The following BRCA2 variants were observed in gnomAD, a reference collection of about 807,000 sequenced individuals.
BRCA2 encodes breast cancer type 2 susceptibility protein.
A neutral mutation model predicts 276.7 loss-of-function variants in BRCA2; 203 were observed. The ratio of observed to expected loss-of-function variants is 0.73; its 90% CI spans 0.65 to 0.82. The LOEUF is 0.82. Among genes scored for constraint, BRCA2 ranks in the 40% least tolerant of loss-of-function variants. The probability of loss-of-function intolerance (pLI) is 0.00; values close to 1 mark genes in which losing one functional copy is unlikely to be tolerated. For missense variants in BRCA2, 3,920 were observed against 3,915.0 expected, an observed-to-expected ratio of 1.00 and a Z score of -0.03; for synonymous variants, 1,289 against 1,338.4, an observed-to-expected ratio of 0.96 and a Z score of 0.81.
chr13:32,329,782 A>G (rs2072375545), intron 8 of BRCA2, among the ~76,000 whole-genome samples: 1 of 151,158 alleles, frequency 6.6e-6, no homozygotes. Flanking sequence ...AACCCTATAT[A>G]TATATATTAA....
Position 32,332,667 on chromosome 13 carries a change from C to CTTAG in BRCA2, c.1189_1190insTTAG (p.Gln397LeufsTer25), listed in dbSNP as rs397515635. ...ACCGTCTTTGGCCTGTGAATGGTCT[C>CTTAG]AACTAACCCTTTCAGGTCTAAATGG... On this transcript the variant is annotated frameshift_variant, in exon 10 of 27. Coordinates refer to ENST00000380152, the MANE Select transcript of BRCA2 (RefSeq NM_000059.4). LOFTEE classifies it high-confidence loss of function. 1.1e-5 allele frequency: 17 copies of CTTAG among 1,614,018 alleles called. No individual in the cohort carries two copies. Among genetic ancestry groups the CTTAG allele is most frequent in the Non-Finnish European group, 1.3e-5 (15 of 1,179,956 alleles).
intron 13 of BRCA2, among the ~76,000 whole-genome samples, chr13:32,348,650 T>G (rs757724256): frequency 1.3e-5 from 2 of 152,150 alleles, no homozygotes; most frequent in Non-Finnish European, 2.9e-5. Flanking sequence ...AGATCTCTTG[T>G]GCGCTTTTCT....
chr13:32,355,395 G>A (rs2137559607), intron 14 of BRCA2, 107 bp downstream of exon 14: 1 of 1,265,014 alleles, frequency 7.9e-7, no homozygotes, highest in Admixed American at 2.1e-5. Context: ...TAATTTTAAA[G>A]CCCTTTTTAA....
chr13:32,370,073 GA>G (rs2072816593), intron 18 of BRCA2, among the ~76,000 whole-genome samples: 1 of 152,120 alleles, frequency 6.6e-6, no homozygotes, highest in Non-Finnish European at 1.5e-5. Context: ...TGTCCATGTA[GA>G]TTTTTTGAGG....
In BRCA2 at chr13:32,374,180, AT is replaced by A. The variant is rs554081914; in HGVS notation, c.8633-2485del. Among the ~76,000 whole-genome samples the A allele has an allele frequency of 1.1e-4, 17 of 152,214 alleles. No individual in the cohort carries two copies. The South Asian group carries it at 3.3e-3, about 30-fold the overall frequency. On this transcript the variant is annotated intron_variant, in intron 20 of 26. Coordinates refer to ENST00000380152, the MANE Select transcript of BRCA2 (RefSeq NM_000059.4). The stretch of plus-strand genomic sequence containing the variant: ...GGCCTTGGGCCCAGCCCACAAAACC[AT>A]TTTTCCCTCCTAGGCCTCAAGGCCT...
In BRCA2 at chr13:32,346,927, A is replaced by C. The variant is rs555236509; in HGVS notation, c.7007+31A>C. 2.0e-6 allele frequency: 3 copies of C among 1,529,956 alleles called. No homozygotes were observed. The South Asian group carries it at 3.5e-5, about 18-fold the overall frequency. 94.8% of individuals were successfully genotyped at this position (1,529,956 alleles called of 1,614,324 possible). On this transcript the variant is annotated intron_variant, in intron 13 of 26. Transcript: ENST00000380152. ...ACATGTTTAAATTTTTCTAAATTCT[A>C]ATACAGTATGAGAAAAGTCTCGTTT... is the stretch of plus-strand genomic sequence containing the variant.
intron 3 of BRCA2, among the ~76,000 whole-genome samples, chr13:32,322,049 T>C (rs1357649772): frequency 6.6e-6 from 1 of 152,248 alleles, no homozygotes; most frequent in Non-Finnish European, 1.5e-5. Context: ...TATGGTTCTA[T>C]GGATTTTGAC....
Position 32,352,395 on chromosome 13 carries a change from G to C in BRCA2, c.7008-2466G>C, listed in dbSNP as rs552765917. ...CTACCTAATATATACTATAGTGAAA[G>C]ATATAAGGATAAATAAGTCTAACTC... is the stretch of plus-strand genomic sequence containing the variant. On this transcript the variant is annotated intron_variant, in intron 13 of 26. Coordinates refer to ENST00000380152, the MANE Select transcript of BRCA2 (RefSeq NM_000059.4). 3.3e-5 allele frequency among the ~76,000 whole-genome samples: 5 copies of C among 152,190 alleles called. No individual in the cohort carries two copies. In the South Asian group the frequency reaches 1.0e-3, roughly 32 times the overall value.
At position 32,344,538 on chromosome 13, in the gene BRCA2, T is replaced by C. The variant is rs81002811; in HGVS notation, c.6842-20T>C. The C allele has an allele frequency of 7.0e-7, 1 of 1,435,500 alleles. No individual in the cohort carries two copies. 88.9% of individuals were successfully genotyped at this position (1,435,500 alleles called of 1,614,324 possible). On this transcript the variant is annotated intron_variant, in intron 11 of 26. Transcript: ENST00000380152. ...TGATATTATTTGCCTTAAAAACATA[T>C]ATGAAATATTTCTTTTTAGGAGAAC...
Position 32,337,359 on chromosome 13 carries a change from A to G in BRCA2, c.3004A>G (p.Asn1002Asp), listed in dbSNP as rs780365246. The G allele has an allele frequency of 1.9e-6, 3 of 1,613,878 alleles. No individual in the cohort carries two copies. Among genetic ancestry groups the G allele is most frequent in the Admixed American group, 3.3e-5 (2 of 60,012 alleles). Residue 1002 changes from asparagine to aspartate, a missense_variant, in exon 11 of 27, where the codon AAT becomes GAT. Transcript: ENST00000380152. ...GGCAGGACTCTTAGGTCCAATTTCA[A>G]ATCACAGTTTTGGAGGTAGCTTCAG... Reference protein sequence around the residue: ...KWAGLLGPISNHSFGGSFRTA... With the variant: ...KWAGLLGPISDHSFGGSFRTA...
At chr13:32,391,057 C>G (rs2072993528) in intron 24 of BRCA2, among the ~76,000 whole-genome samples, 1 of 152,188 alleles carries the variant, frequency 6.6e-6, no homozygotes, top group Admixed American at 6.5e-5. Flanking sequence ...GCTGACAAAA[C>G]AAAAGCAAAC....
At chr13:32,373,229 TGGG>T (rs1249837601) in intron 20 of BRCA2, among the ~76,000 whole-genome samples, 1 of 150,326 alleles carries the variant, frequency 6.7e-6, no homozygotes, top group African/African-American at 2.4e-5. Context: ...CTAGCCTCGC[TGGG>T]TGGGGTGTCT....
chr13:32,324,986 A>G, intron 3 of BRCA2, 90 bp from the exon 4 acceptor site: 1 of 872,964 alleles, frequency 1.1e-6, no homozygotes, highest in Non-Finnish European at 1.9e-6. Flanking sequence ...CCCAGTATAG[A>G]GGAGACTTTT....
intron 18 of BRCA2, among the ~76,000 whole-genome samples, chr13:32,365,723 T>C (rs2137587181): frequency 6.9e-6 from 1 of 144,384 alleles, no homozygotes; most frequent in East Asian, 2.0e-4. Flanking sequence ...TTTGGTGTCT[T>C]TTTTTTTTTT....
Position 32,315,508 on chromosome 13 carries a change from A to C in BRCA2, c.-199A>C, listed in dbSNP as rs970666702. 10 of 152,284 alleles carry C rather than the reference A, an allele frequency of 6.6e-5. No individual in the cohort carries two copies. The highest frequency in any genetic ancestry group is 2.2e-4 in the African/African-American group (9 of 41,466). The allele number at this position is 152,284 out of a possible 1,614,324, so 9.4% of individuals were successfully genotyped here. ...GCGCGAGCTTCTGAAACTAGGCGGC[A>C]GAGGCGGAGCCGCTGTGGCACTGCT... is the stretch of plus-strand genomic sequence containing the variant. On this transcript the variant is annotated 5_prime_UTR_variant, in exon 1 of 27. Transcript: ENST00000380152.
chr13:32,366,837 T>A (rs1243195094), intron 18 of BRCA2, among the ~76,000 whole-genome samples: 5 of 123,902 alleles, frequency 4.0e-5, no homozygotes, highest in African/African-American at 1.2e-4. Flanking sequence ...AAAAAAAAAA[T>A]ATGCTTATTG....
intron 26 of BRCA2, 145 bp from the exon 27 acceptor site, chr13:32,398,017 A>C: frequency 1.3e-6 from 1 of 755,008 alleles, no homozygotes; most frequent in East Asian, 2.7e-5. Context: ...ATGTGAACTG[A>C]AATCACCTAA....
intron 24 of BRCA2, chr13:32,384,766 A>G: frequency 3.8e-6 from 1 of 261,580 alleles, no homozygotes; most frequent in East Asian, 8.7e-5. Flanking sequence ...CCTGATTTGG[A>G]AAACAGAGTC....
In BRCA2 at chr13:32,341,139, A is replaced by G. The variant is rs1417110572; in HGVS notation, c.6784A>G (p.Met2262Val). ...SLFTCPENEEMVLSNSRIGKR... is the reference protein window; with the variant it reads ...SLFTCPENEEVVLSNSRIGKR... The stretch of plus-strand genomic sequence containing the variant: ...TTTTACATGTCCCGAAAATGAGGAA[A>G]TGGTTTTGTCAAATTCAAGAATTGG... Residue 2262 changes from methionine (M) to valine (V), a missense_variant, in exon 11 of 27, where the codon ATG becomes GTG. Physicochemically the swap from Met to Val is conservative, Grantham distance 21. This residue lies in a region of BRCA2 where 3,263 missense variants were observed against 3,156.9 expected (regional missense o/e 1.03). Transcript: ENST00000380152. The G allele has an allele frequency of 6.2e-7, 1 of 1,613,982 alleles. No homozygotes were observed. Among genetic ancestry groups the G allele is most frequent in the Non-Finnish European group, 8.5e-7 (1 of 1,179,916 alleles).
Sources: allele counts gnomAD v4.1 joint callset (sites outside exome capture counted in the v4.1 genomes callset), GRCh38; gene constraint gnomAD v4.1.1; regional missense constraint gnomAD v4.1.1; transcripts MANE v1.5; gene names NCBI Gene and HGNC (gene_info 2026-07-23, HGNC 2026-07-21).